CDKN2B-AS1: variants seen among roughly 807,000 people sequenced by gnomAD.
The protein encoded by CDKN2B-AS1 is CDKN2B antisense RNA 1 (non-protein coding).
chr9:22,010,548 C>T (rs1203999394), intron 1 of CDKN2B-AS1, among the ~76,000 whole-genome samples: 1 of 152,092 alleles, frequency 6.6e-6, no homozygotes, highest in Admixed American at 6.5e-5. Flanking sequence ...GACTCCTCAT[C>T]CCCCAAATCC....
At chr9:22,053,885 T>A (rs1188645890) in intron 3 of CDKN2B-AS1, among the ~76,000 whole-genome samples, 1 of 152,128 alleles carries the variant, frequency 6.6e-6, no homozygotes, top group Non-Finnish European at 1.5e-5. Flanking sequence ...GGATTTTTAC[T>A]TAGGACATAC....
intron 3 of CDKN2B-AS1, among the ~76,000 whole-genome samples, chr9:22,054,907 A>G (rs1823492613): frequency 6.6e-6 from 1 of 151,752 alleles, no homozygotes. Context: ...ACCTGCCACC[A>G]TGCCTGGCTC....
At chr9:22,117,621 C>G (rs1301602063) in intron 4 of CDKN2B-AS1, 2 of 152,262 alleles carry the variant, frequency 1.3e-5, no homozygotes, top group Non-Finnish European at 2.9e-5. Flanking sequence ...CAAACTCTTG[C>G]TATCCCCTGC....
In CDKN2B-AS1 at chr9:21,997,073, T is replaced by G. The variant is rs1820722722; in HGVS notation, n.29+1912T>G. On this transcript the variant is annotated intron_variant and non_coding_transcript_variant, in intron 1 of 4. Transcript: ENST00000650946. This position sits in a 1 kb window ranked among gnomAD's most constrained non-coding sequence, Gnocchi z 4.8. Reference sequence around the variant, plus strand: ...GGGATACATTCTCAGACATGTATCTTTAGGCGATTTCATTGTTGTGCAAAC... The same window carrying G: ...GGGATACATTCTCAGACATGTATCTGTAGGCGATTTCATTGTTGTGCAAAC... Among the ~76,000 whole-genome samples, 1 of 152,134 alleles carries G rather than the reference T, an allele frequency of 6.6e-6. No individual in the cohort carries two copies. Among genetic ancestry groups the G allele is most frequent in the African/African-American group, 2.4e-5 (1 of 41,418 alleles).
At chr9:22,088,441 GCACACACA>G (rs3222818) in intron 4 of CDKN2B-AS1, among the ~76,000 whole-genome samples, 1,751 of 149,910 alleles carry the variant, frequency 0.012, 30 homozygotes, top group African/African-American at 0.04. Flanking sequence ...AAATGTGCAA[GCACACACA>G]CACACACACA....
chr9:22,014,865 G>T (rs943948265), intron 1 of CDKN2B-AS1, among the ~76,000 whole-genome samples: 8 of 149,618 alleles, frequency 5.3e-5, no homozygotes, highest in Non-Finnish European at 8.9e-5. Flanking sequence ...GCGGTGTTTG[G>T]TTTTTTGTCC....
chr9:22,125,247 C>T (rs1318434119), intron 4 of CDKN2B-AS1, among the ~76,000 whole-genome samples: 9 of 152,174 alleles, frequency 5.9e-5, no homozygotes, highest in African/African-American at 2.2e-4. Context: ...GAATGGGCTG[C>T]TGACTCTGAA....
At chr9:22,082,765 G>A (rs377025909) in intron 4 of CDKN2B-AS1, among the ~76,000 whole-genome samples, 7 of 152,158 alleles carry the variant, frequency 4.6e-5, no homozygotes, top group East Asian at 1.9e-4. Flanking sequence ...GAGGATACCC[G>A]ACTCTAGCTT....
intron 4 of CDKN2B-AS1, among the ~76,000 whole-genome samples, chr9:22,089,361 A>T (rs1824983551): frequency 6.6e-6 from 1 of 152,342 alleles, no homozygotes; most frequent in African/African-American, 2.4e-5. Flanking sequence ...AGAATTAGAA[A>T]AATTTCATAG....
intron 4 of CDKN2B-AS1, among the ~76,000 whole-genome samples, chr9:22,126,849 G>C (rs72655417): frequency 6.6e-6 from 1 of 152,146 alleles, no homozygotes. Flanking sequence ...TGGGATTACA[G>C]GCGTGAGAAG....
rs1554672651 is a variant in CDKN2B-AS1, at chr9:22,062,976, G to GACAGACACACAC, written n.438+6592_438+6593insGACACACACACA. Reference sequence around the variant, plus strand: ...GACTTGTGTGTGTGTGTGAAAGACAGACACACACACATATATATATATAGA... The same window carrying GACAGACACACAC: ...GACTTGTGTGTGTGTGTGAAAGACAGACAGACACACACACACACACACATATATATATATAGA... On this transcript the variant is annotated intron_variant and non_coding_transcript_variant, in intron 4 of 4. Coordinates refer to ENST00000650946, the Ensembl canonical transcript of CDKN2B-AS1. Among the ~76,000 whole-genome samples, 168 of 125,322 alleles carry GACAGACACACAC rather than the reference G, an allele frequency of 1.3e-3. 1 individual carries two copies. Among genetic ancestry groups the GACAGACACACAC allele is most frequent in the African/African-American group, 5.1e-3 (165 of 32,490 alleles). 82.2% of individuals were successfully genotyped at this position (125,322 alleles called of 152,430 possible). A position where few individuals can be genotyped will look rare whatever the true frequency, so the allele number is the denominator to read the frequency against.
chr9:22,123,365 G>C (rs1157689087), intron 4 of CDKN2B-AS1, among the ~76,000 whole-genome samples: 1 of 152,080 alleles, frequency 6.6e-6, no homozygotes, highest in Non-Finnish European at 1.5e-5. Context: ...CTAGTTGCTT[G>C]GGCTAGGACT....
In CDKN2B-AS1 at chr9:22,045,040, G is replaced by T. The variant is rs573821904; in HGVS notation, n.30-1711G>T. Among the ~76,000 whole-genome samples, 9 of 142,252 alleles carry T rather than the reference G, an allele frequency of 6.3e-5. No homozygotes were observed. The East Asian group carries it at 1.8e-3, about 28-fold the overall frequency. The allele number at this position is 142,252 out of a possible 152,430, so 93.3% of individuals were successfully genotyped here. A position where few individuals can be genotyped will look rare whatever the true frequency, so the allele number is the denominator to read the frequency against. ...TCTTTTGGAAAAATATTATTTATTTGTGTGTGTGTGTGTGTGTGTGTGTGT... is the reference window on the plus strand; with the variant it reads ...TCTTTTGGAAAAATATTATTTATTTTTGTGTGTGTGTGTGTGTGTGTGTGT... On this transcript the variant is annotated intron_variant and non_coding_transcript_variant, in intron 1 of 4. Transcript: ENST00000650946.
exon 2 of CDKN2B-AS1, chr9:22,046,818 G>A (rs925777091): frequency 3.3e-5 from 5 of 152,058 alleles, no homozygotes; most frequent in African/African-American, 1.2e-4. Context: ...AAAGACTTCT[G>A]TTTTCTGGCC....
intron 4 of CDKN2B-AS1, among the ~76,000 whole-genome samples, chr9:22,068,027 G>T (rs1343691144): frequency 6.6e-6 from 1 of 151,972 alleles, no homozygotes; most frequent in East Asian, 1.9e-4. Flanking sequence ...ATGACTTTTG[G>T]GTCTGTGTAG....
rs546509178 is a variant in CDKN2B-AS1, at chr9:22,008,747, C to T, written n.29+13586C>T. 5.6e-6 allele frequency: 9 copies of T among 1,610,516 alleles called. 1 individual carries two copies. In the African/African-American group the frequency reaches 9.3e-5, roughly 17 times the overall value. The stretch of plus-strand genomic sequence containing the variant: ...TTCCAGCCCCGATCCGCCGAGGCCG[C>T]GCCCCGCGTTCGCGCGCCCCCTGCC... On this transcript the variant is annotated intron_variant and non_coding_transcript_variant, in intron 1 of 4. Transcript: ENST00000650946.
intron 4 of CDKN2B-AS1, among the ~76,000 whole-genome samples, chr9:22,104,242 A>T (rs754355569): frequency 7.9e-5 from 12 of 152,180 alleles, no homozygotes; most frequent in Non-Finnish European, 1.5e-4. Context: ...CATTGTAAAG[A>T]TTAACTGGAT....
In CDKN2B-AS1 at chr9:22,001,364, T is replaced by C. The variant is rs933254064; in HGVS notation, n.29+6203T>C. Among the ~76,000 whole-genome samples the C allele has an allele frequency of 6.6e-6, 1 of 152,132 alleles. No homozygotes were observed. The highest frequency in any genetic ancestry group is 2.4e-5 in the African/African-American group (1 of 41,442). On this transcript the variant is annotated intron_variant and non_coding_transcript_variant, in intron 1 of 4. Coordinates refer to ENST00000650946, the Ensembl canonical transcript of CDKN2B-AS1. This position sits in a 1 kb window ranked among gnomAD's most constrained non-coding sequence, Gnocchi z 4.2. ...GAGTGTGAAGTGGATTAATAGGTGT[T>C]TGGGGTCCTTTGTAAACTTCTAGTG...
At chr9:22,047,287 A>G (rs912027916) in intron 2 of CDKN2B-AS1, among the ~76,000 whole-genome samples, 1 of 152,152 alleles carries the variant, frequency 6.6e-6, no homozygotes, top group African/African-American at 2.4e-5. Flanking sequence ...TAAAGGAGAC[A>G]CTCATTATTT....
Sources: allele counts gnomAD v4.1 joint callset (sites outside exome capture counted in the v4.1 genomes callset), GRCh38; gene constraint gnomAD v4.1.1; non-coding constraint Gnocchi (gnomAD v3.1); transcripts MANE v1.5; gene names NCBI Gene and HGNC (gene_info 2026-07-23, HGNC 2026-07-21).